The following FBN2 variants were observed in gnomAD, a reference collection of about 807,000 sequenced individuals.
FBN2 encodes fibrillin 2.
Under a neutral mutation model 355.6 loss-of-function variants are expected in FBN2, and 105 were observed. The ratio of observed to expected loss-of-function variants is 0.30; its 90% CI spans 0.25 to 0.35. The LOEUF is 0.35. Among genes scored for constraint, FBN2 ranks in the 10% least tolerant of loss-of-function variants. The pLI is 1.00. For synonymous variants in FBN2, 1,350 were observed against 1,301.2 expected, an observed-to-expected ratio of 1.04 and a Z score of -0.81; for missense variants, 3,280 against 3,758.7, an observed-to-expected ratio of 0.87 and a Z score of 3.33.
rs368384428 is a variant in FBN2, at chr5:128,305,079, C to T, written c.5678G>A (p.Arg1893His). The T allele has an allele frequency of 1.6e-5, 26 of 1,604,718 alleles. No homozygotes were observed. Among genetic ancestry groups the T allele is most frequent in the African/African-American group, 4.1e-5 (3 of 73,526 alleles). ...KLSPNGACVD[R>H]NECLEIPNVC... ...GTTAGGAATTTCTAAACATTCATTG[C>T]GATCTAAAACAGAAAAAAATAAATG... The change falls in exon 45 of 65, where the codon CGC (arginine) becomes CAC (histidine). Residue 1893 changes from arginine to histidine, a missense_variant. By Grantham distance (29) the Arg-to-His change is conservative. Transcript: ENST00000262464.
At chr5:128,521,944 T>C (rs1756444507) in intron 4 of FBN2, among the ~76,000 whole-genome samples, 2 of 152,210 alleles carry the variant, frequency 1.3e-5, no homozygotes, top group Non-Finnish European at 2.9e-5. Context: ...TTTTGGAGGT[T>C]TGCAAATTAT....
At chr5:128,480,667 G>T (rs1156764762) in intron 5 of FBN2, among the ~76,000 whole-genome samples, 1 of 152,076 alleles carries the variant, frequency 6.6e-6, no homozygotes, top group African/African-American at 2.4e-5. Flanking sequence ...CCAAGATTGC[G>T]CCATTGCAGT....
Position 128,369,322 on chromosome 5 carries a change from C to A in FBN2, c.2108G>T (p.Arg703Leu), listed in dbSNP as rs567790419. Residue 703 changes from arginine (R) to leucine (L), a missense_variant, in exon 16 of 65, where the codon CGC becomes CTC. Transcript: ENST00000262464. ...CTTGATTCCTCCATAGCAGGTACTG[C>A]GCATGTGAGTATCTAAAGGAGATAC... is the stretch of plus-strand genomic sequence containing the variant. ...DGRVCVDTHMRSTCYGGIKKG... is the reference protein window; with the variant it reads ...DGRVCVDTHMLSTCYGGIKKG... 1.2e-6 allele frequency: 2 copies of A among 1,613,996 alleles called. No homozygotes were observed. Among genetic ancestry groups the A allele is most frequent in the East Asian group, 2.2e-5 (1 of 44,868 alleles).
intron 18 of FBN2, among the ~76,000 whole-genome samples, chr5:128,363,320 G>T (rs1007294076): frequency 3.3e-5 from 5 of 151,992 alleles, no homozygotes; most frequent in Admixed American, 6.5e-5. Context: ...CCTCCTGGGT[G>T]CTGGGATTAC....
chr5:128,529,728 T>C lies in FBN2; in HGVS notation c.436+867A>G, dbSNP rs146197135. Among the ~76,000 whole-genome samples the C allele has an allele frequency of 2.0e-3, 297 of 152,002 alleles. 1 individual carries two copies. The highest frequency in any genetic ancestry group is 6.8e-3 in the African/African-American group (280 of 41,448). On this transcript the variant is annotated intron_variant, in intron 3 of 64. Transcript: ENST00000262464. ...TAGGTAATCAGGCAAGAAAGAGAGGTTCAGGTTAAGTTGGGGATGAAATGT... is the reference window on the plus strand; with the variant it reads ...TAGGTAATCAGGCAAGAAAGAGAGGCTCAGGTTAAGTTGGGGATGAAATGT...
In FBN2 at chr5:128,302,824, A is replaced by G. The variant is rs577982659; in HGVS notation, c.5917+149T>C. On this transcript the variant is annotated intron_variant, in intron 46 of 64. Coordinates refer to ENST00000262464, the MANE Select transcript of FBN2 (RefSeq NM_001999.4). ...GCCAATACTATGGTTTCAGTTAACTAGAAACCAGTCAATGAAATTATATAT... is the reference window on the plus strand; with the variant it reads ...GCCAATACTATGGTTTCAGTTAACTGGAAACCAGTCAATGAAATTATATAT... 59 of 655,908 alleles carry G rather than the reference A, an allele frequency of 9.0e-5. No homozygotes were observed. The African/African-American group carries it at 1.0e-3, about 11-fold the overall frequency. The allele number at this position is 655,908 out of a possible 1,614,324, so 40.6% of individuals were successfully genotyped here. A position where few individuals can be genotyped will look rare whatever the true frequency, so the allele number is the denominator to read the frequency against.
Position 128,303,057 on chromosome 5 carries a change from T to A in FBN2, c.5833A>T (p.Asn1945Tyr). Residue 1945 changes from asparagine (N) to tyrosine (Y), a missense_variant, in exon 46 of 65, where the codon AAT (asparagine) becomes TAT (tyrosine). Physicochemically the swap from Asn to Tyr is moderately radical, Grantham distance 143. Transcript: ENST00000262464. ...CCAACGGTGTTTTTACAAGTTCCAT[T>A]TCCACATGGATGCCGCTCGCACTCA... ...VDECERHPCG[N>Y]GTCKNTVGSY... The A allele has an allele frequency of 6.2e-7, 1 of 1,612,022 alleles. No homozygotes were observed. The highest frequency in any genetic ancestry group is 2.2e-5 in the East Asian group (1 of 44,848).
At chr5:128,329,323 C>T (rs1430967988) in intron 33 of FBN2, among the ~76,000 whole-genome samples, 1 of 152,076 alleles carries the variant, frequency 6.6e-6, no homozygotes, top group African/African-American at 2.4e-5. Context: ...AAAAATACTC[C>T]TATCTTAATT....
intron 25 of FBN2, among the ~76,000 whole-genome samples, chr5:128,339,667 G>A (rs530869998): frequency 2.4e-4 from 37 of 152,322 alleles, no homozygotes; most frequent in African/African-American, 7.9e-4. Flanking sequence ...GAGGCAGGTG[G>A]TAAATGAGGC....
chr5:128,301,150 C>T (rs1222785971), intron 47 of FBN2, among the ~76,000 whole-genome samples: 2 of 152,182 alleles, frequency 1.3e-5, no homozygotes. Context: ...TCTTTGCTTA[C>T]TTTTCTTAAG....
intron 7 of FBN2, among the ~76,000 whole-genome samples, chr5:128,418,671 T>G (rs2127012702): frequency 6.6e-6 from 1 of 152,312 alleles, no homozygotes; most frequent in African/African-American, 2.4e-5. Context: ...TGTACATTTT[T>G]CAATGTTTCT....
At chr5:128,362,749 G>A (rs1751670193) in intron 18 of FBN2, among the ~76,000 whole-genome samples, 2 of 152,168 alleles carry the variant, frequency 1.3e-5, no homozygotes, top group South Asian at 4.1e-4. Flanking sequence ...ATAGGCATAA[G>A]CTACCGCACC....
intron 5 of FBN2, among the ~76,000 whole-genome samples, chr5:128,501,890 T>C (rs1441785270): frequency 6.6e-6 from 1 of 152,020 alleles, no homozygotes; most frequent in Non-Finnish European, 1.5e-5. Flanking sequence ...TCAATATACT[T>C]GAAGTAGAGA....
At chr5:128,394,799 T>C (rs1017007270) in intron 9 of FBN2, among the ~76,000 whole-genome samples, 10 of 152,062 alleles carry the variant, frequency 6.6e-5, no homozygotes, top group Non-Finnish European at 1.5e-4. Flanking sequence ...TATACATATA[T>C]TTTTGAGACA....
intron 6 of FBN2, among the ~76,000 whole-genome samples, chr5:128,450,273 T>A (rs1258666301): frequency 6.6e-6 from 1 of 152,056 alleles, no homozygotes; most frequent in African/African-American, 2.4e-5. Flanking sequence ...CAAGAAAGAC[T>A]ATATTCTGAG....
chr5:128,345,592 G>A lies in FBN2; in HGVS notation c.2990-8C>T, dbSNP rs370825177. On this transcript the variant is annotated splice_region_variant and splice_polypyrimidine_tract_variant and intron_variant, in intron 23 of 64. Transcript: ENST00000262464. ...ACTGCTCCATGCGAATATCTACACCGAGAACGAAATCACAGGGTGAGAATG... is the reference window on the plus strand; with the variant it reads ...ACTGCTCCATGCGAATATCTACACCAAGAACGAAATCACAGGGTGAGAATG... 1.7e-5 allele frequency: 27 copies of A among 1,607,706 alleles called. No individual in the cohort carries two copies. Among genetic ancestry groups the A allele is most frequent in the South Asian group, 8.8e-5 (8 of 90,940 alleles).
intron 25 of FBN2, among the ~76,000 whole-genome samples, chr5:128,339,916 A>G (rs1433774227): frequency 6.6e-6 from 1 of 152,202 alleles, no homozygotes; most frequent in Non-Finnish European, 1.5e-5. Flanking sequence ...TCATATTCAG[A>G]TGTAAAGAGC....
At chr5:128,430,871 T>G (rs971545950) in intron 7 of FBN2, among the ~76,000 whole-genome samples, 5 of 150,928 alleles carry the variant, frequency 3.3e-5, no homozygotes, top group African/African-American at 1.2e-4. Flanking sequence ...AATAAATAAA[T>G]AAATAAATAA....
chr5:128,361,430 T>A (rs948748612), intron 19 of FBN2, among the ~76,000 whole-genome samples: 2 of 152,224 alleles, frequency 1.3e-5, no homozygotes, highest in African/African-American at 4.8e-5. Context: ...TGACATTGTA[T>A]TTCAGCAAGT....
Sources: gnomAD v4.1 joint callset for allele counts (sites outside exome capture counted in the v4.1 genomes callset) on GRCh38, gnomAD v4.1.1 for gene constraint, MANE v1.5 for transcripts, NCBI Gene and HGNC (gene_info 2026-07-23, HGNC 2026-07-21) for gene names.